GJA5: variants seen among roughly 807,000 people sequenced by gnomAD.
The protein encoded by GJA5 is gap junction protein alpha 5, also known as gap junction alpha-5 protein.
Under a neutral mutation model 7.9 loss-of-function variants are expected in GJA5, and 3 were observed. The observed-to-expected ratio is 0.38, with a 90% CI of 0.17 to 0.99. GJA5 has a LOEUF of 0.99. Ranked by LOEUF, GJA5 falls within the 50% of genes least tolerant of loss-of-function variation. GJA5 has a pLI of 0.38. For missense variants in GJA5, 390 were observed against 457.9 expected (o/e 0.85, Z 1.35); for synonymous variants, 193 against 181.0 (o/e 1.07, Z -0.53).
At position 147,758,738 on chromosome 1, in the gene GJA5, G is replaced by C. The variant is rs782488214; in HGVS notation, c.501C>G (p.Phe167Leu). 6.2e-7 allele frequency: 1 copy of C among 1,614,092 alleles called. No individual in the cohort carries two copies. Among genetic ancestry groups the C allele is most frequent in the African/African-American group, 1.3e-5 (1 of 74,948 alleles). Residue 167 changes from phenylalanine (F) to leucine (L), a missense_variant, in exon 2 of 2, where the codon TTC becomes TTG. This residue lies in a region of GJA5 where 354 missense variants were observed against 370.9 expected (regional missense o/e 0.95). Transcript: ENST00000579774. ...CGTAGATGAAGTACTGGCCCACAAT[G>C]AAGCCCACCTCCATGGTGGTGCGGA... ...ILIRTTMEVG[F>L]IVGQYFIYGI...
rs1553226961 is a variant in GJA5 at position 147,758,710 on chromosome 1, T to C, written c.529A>G (p.Ile177Val). The change falls in exon 2 of 2, where the codon ATC becomes GTC. Residue 177 changes from isoleucine to valine, a missense_variant. Physicochemically the swap from Ile to Val is conservative, Grantham distance 29. This residue lies in a region of GJA5 where 354 missense variants were observed against 370.9 expected (regional missense o/e 0.95). Coordinates refer to ENST00000579774, the MANE Select transcript of GJA5 (RefSeq NM_181703.4). ...FIVGQYFIYGIFLTTLHVCRR... is the reference protein window; with the variant it reads ...FIVGQYFIYGVFLTTLHVCRR... ...CAGACATGCAGGGTGGTCAGGAAGA[T>C]TCCGTAGATGAAGTACTGGCCCACA... 1 of 1,614,038 alleles carries C rather than the reference T, an allele frequency of 6.2e-7. No individual in the cohort carries two copies. Among genetic ancestry groups the C allele is most frequent in the Admixed American group, 1.7e-5 (1 of 60,012 alleles).
Position 147,758,162 on chromosome 1 carries a change from T to G in GJA5, c.1077A>C (p.Ter359CysextTer26). The G allele has an allele frequency of 6.2e-7, 1 of 1,602,724 alleles. No individual in the cohort carries two copies. Among genetic ancestry groups the G allele is most frequent in the Non-Finnish European group, 8.5e-7 (1 of 1,169,772 alleles). ...GTCCTGATCCTCCCATAAAGGAGGGTCACACTGATAGGTCATCTGACCTTG... is the reference window on the plus strand; with the variant it reads ...GTCCTGATCCTCCCATAAAGGAGGGGCACACTGATAGGTCATCTGACCTTG... The part of the protein sequence containing the change: ...SKARSDDLSV[*>C] Residue 359 changes from the stop codon to cysteine, a stop_lost, in exon 2 of 2, where the codon TGA becomes TGC. Coordinates refer to ENST00000579774, the MANE Select transcript of GJA5 (RefSeq NM_181703.4).
In GJA5 at chr1:147,756,744, C is replaced by G. The variant is rs1663752435; in HGVS notation, c.*1418G>C. ...GCATTTTAATAATGTAATAATCCCT[C>G]TATAAGTCTCAGTTTCCAATTCCAA... On this transcript the variant is annotated 3_prime_UTR_variant, in exon 2 of 2. Coordinates refer to ENST00000579774, the MANE Select transcript of GJA5 (RefSeq NM_181703.4). The G allele has an allele frequency of 1.3e-5, 2 of 152,296 alleles. No individual in the cohort carries two copies. The highest frequency in any genetic ancestry group is 2.4e-5 in the African/African-American group (1 of 41,442). The allele number at this position is 152,296 out of a possible 1,614,324, so 9.4% of individuals were successfully genotyped here.
upstream of GJA5, among the ~76,000 whole-genome samples, chr1:147,764,535 A>G (rs1553227833): frequency 6.6e-6 from 1 of 152,078 alleles, no homozygotes; most frequent in Non-Finnish European, 1.5e-5. Flanking sequence ...TATTAAATTA[A>G]TAAAATCGGC....
At position 147,756,284 on chromosome 1, in the gene GJA5, C is replaced by T. The variant is rs1449910484; in HGVS notation, c.*1878G>A. 3 of 152,182 alleles carry T rather than the reference C, an allele frequency of 2.0e-5. No individual in the cohort carries two copies. Among genetic ancestry groups the T allele is most frequent in the East Asian group, 1.9e-4 (1 of 5,200 alleles). 9.4% of individuals were successfully genotyped at this position (152,182 alleles called of 1,614,324 possible). ...AAAACCCTCACCATCAAAGATTGAT[C>T]CCACAGAATTTCTAATTCAAGAACA... is the stretch of plus-strand genomic sequence containing the variant. On this transcript the variant is annotated 3_prime_UTR_variant, in exon 2 of 2. Coordinates refer to ENST00000579774, the MANE Select transcript of GJA5 (RefSeq NM_181703.4).
chr1:147,763,756 T>C (rs587705533), upstream of GJA5, among the ~76,000 whole-genome samples: 16 of 152,352 alleles, frequency 1.1e-4, no homozygotes, highest in Admixed American at 9.8e-4. Context: ...TTTCATGTAC[T>C]GTATGGCCAA....
chr1:147,761,659 G>A (rs371248353), upstream of GJA5, among the ~76,000 whole-genome samples: 2 of 152,342 alleles, frequency 1.3e-5, no homozygotes, highest in East Asian at 1.9e-4. Context: ...GCCTCCAAAT[G>A]TGGAAAATTG....
intron 1 of GJA5, among the ~76,000 whole-genome samples, chr1:147,768,113 C>T (rs1381586251): frequency 1.3e-5 from 2 of 152,158 alleles, no homozygotes; most frequent in Non-Finnish European, 1.5e-5. Context: ...GCCAGCATCC[C>T]TGAACCTTGT....
Position 147,756,884 on chromosome 1 carries a change from T to A in GJA5, c.*1278A>T, listed in dbSNP as rs1553226512. 6.6e-6 allele frequency: 1 copy of A among 152,096 alleles called. No individual in the cohort carries two copies. The highest frequency in any genetic ancestry group is 2.4e-5 in the African/African-American group (1 of 41,382). 9.4% of individuals were successfully genotyped at this position (152,096 alleles called of 1,614,324 possible). On this transcript the variant is annotated 3_prime_UTR_variant, in exon 2 of 2. Coordinates refer to ENST00000579774, the MANE Select transcript of GJA5 (RefSeq NM_181703.4). ...TTTCTACAGCCCCCACTTGGCAGTCTCATTAGGGGCACTAGGGAGACATAG... is the reference window on the plus strand; with the variant it reads ...TTTCTACAGCCCCCACTTGGCAGTCACATTAGGGGCACTAGGGAGACATAG...
At chr1:147,761,476 A>G (rs1307328567), upstream of GJA5, among the ~76,000 whole-genome samples, 1 of 152,128 alleles carries the variant, frequency 6.6e-6, no homozygotes, top group Non-Finnish European at 1.5e-5. Flanking sequence ...CAGGTCCCCA[A>G]ACTTGAGAGT....
At chr1:147,760,249 T>C (rs1287659978) in intron 1 of GJA5, among the ~76,000 whole-genome samples, 2 of 152,156 alleles carry the variant, frequency 1.3e-5, no homozygotes, top group African/African-American at 4.8e-5. Flanking sequence ...TTATGTCCCT[T>C]ACAAAATCCT....
Position 147,759,215 on chromosome 1 carries a change from T to G in GJA5, c.24A>C (p.Gly8=), listed in dbSNP as rs781784744. 3 of 1,613,940 alleles carry G rather than the reference T, an allele frequency of 1.9e-6. No individual in the cohort carries two copies. Among genetic ancestry groups the G allele is most frequent in the Non-Finnish European group, 2.5e-6 (3 of 1,179,914 alleles). The change falls in exon 2 of 2, where the codon GGA becomes GGC. Residue 8 remains glycine (G), a synonymous_variant. Coordinates refer to ENST00000579774, the MANE Select transcript of GJA5 (RefSeq NM_181703.4). ...GCTTGTGTACTTCCTCCAGGAAATT[T>G]CCCAGGAAGCTCCAATCGCCCATCT... MGDWSFL[G]NFLEEVHKHS...
Position 147,758,634 on chromosome 1 carries a change from G to A in GJA5, c.605C>T (p.Thr202Ile). 1 of 1,614,180 alleles carries A rather than the reference G, an allele frequency of 6.2e-7. No individual in the cohort carries two copies. Among genetic ancestry groups the A allele is most frequent in the Non-Finnish European group, 8.5e-7 (1 of 1,179,984 alleles). Residue 202 changes from threonine (T) to isoleucine (I), a missense_variant, in exon 2 of 2, where the codon ACA (threonine) becomes ATA (isoleucine). Thr to Ile is a moderately conservative substitution (Grantham distance 89, BLOSUM62 -1). Transcript: ENST00000579774. ...HPVNCYVSRP[T>I]EKNVFIVFML... ...AAAGACAATGAAGACATTCTTCTCT[G>A]TGGGCCGGGATACGTAACAGTTGAC...
rs144069395 is a variant in GJA5, at chr1:147,759,226, T to C, written c.13A>G (p.Ser5Gly). Residue 5 changes from serine to glycine, a missense_variant, in exon 2 of 2, where the codon AGC (serine) becomes GGC (glycine). Ser to Gly is a moderately conservative substitution (Grantham distance 56). Transcript: ENST00000579774. MGDW[S>G]FLGNFLEEVH... is the part of the protein sequence containing the mutation. Reference sequence around the variant, plus strand: ...TCCTCCAGGAAATTTCCCAGGAAGCTCCAATCGCCCATCTTGGCACAGCCA... The same window carrying C: ...TCCTCCAGGAAATTTCCCAGGAAGCCCCAATCGCCCATCTTGGCACAGCCA... The C allele has an allele frequency of 2.1e-4, 332 of 1,612,926 alleles. No homozygotes were observed. Among genetic ancestry groups the C allele is most frequent in the Non-Finnish European group, 1.2e-4 (138 of 1,179,162 alleles).
In GJA5 at chr1:147,758,887, G is replaced by T; in HGVS notation, c.352C>A (p.Arg118=). 1 of 1,614,222 alleles carries T rather than the reference G, an allele frequency of 6.2e-7. No individual in the cohort carries two copies. Among genetic ancestry groups the T allele is most frequent in the East Asian group, 2.2e-5 (1 of 44,880 alleles). ...LREAERAKEV[R]GSGSYEYPVA... ...GGGTACTCGTAAGAGCCAGAGCCCC[G>T]GACCTCTTTGGCCCTCTCGGCCTCC... The change falls in exon 2 of 2, where the codon CGG becomes AGG. Residue 118 remains arginine (R), a synonymous_variant. Coordinates refer to ENST00000579774, the MANE Select transcript of GJA5 (RefSeq NM_181703.4).
chr1:147,763,470 G>A (rs369222486), upstream of GJA5, among the ~76,000 whole-genome samples: 8 of 152,172 alleles, frequency 5.3e-5, no homozygotes, highest in South Asian at 4.1e-4. Context: ...AGGGAATTGC[G>A]TTCTAAAGCC....
chr1:147,759,292 AAG>A (rs1219343065), intron 1 of GJA5, 21 bp from the exon 2 acceptor site: 12 of 1,137,710 alleles, frequency 1.1e-5, no homozygotes, highest in Admixed American at 1.7e-5. Flanking sequence ...GAGAGAGAGA[AAG>A]AGAGAAAAGA....
At chr1:147,768,000 T>G (rs587665935) in intron 1 of GJA5, among the ~76,000 whole-genome samples, 37 of 152,296 alleles carry the variant, frequency 2.4e-4, no homozygotes, top group African/African-American at 8.9e-4. Flanking sequence ...ACATTTGGGG[T>G]AACTACTTCA....
chr1:147,761,217 C>A (rs587663413), upstream of GJA5, among the ~76,000 whole-genome samples: 5 of 152,182 alleles, frequency 3.3e-5, no homozygotes, highest in Non-Finnish European at 7.3e-5. Flanking sequence ...GGGAATGGAG[C>A]ATAAATATTC....
Sources: gnomAD v4.1 joint callset for allele counts (sites outside exome capture counted in the v4.1 genomes callset) on GRCh38, gnomAD v4.1.1 for gene constraint, gnomAD v4.1.1 regional missense constraint, MANE v1.5 for transcripts, NCBI Gene and HGNC (gene_info 2026-07-23, HGNC 2026-07-21) for gene names.